Variants in UNC13D observed in about 807,000 individuals in gnomAD.
UNC13D encodes the protein unc-13 homolog D.
UNC13D carries 115 observed loss-of-function variants against 151.7 expected under a neutral mutation model. The observed-to-expected ratio is 0.76, with a 90% CI of 0.65 to 0.88. UNC13D has a LOEUF of 0.88. Ranked by LOEUF, UNC13D falls within the 40% of genes least tolerant of loss-of-function variation. The pLI is 0.00. For missense variants in UNC13D, 1,369 were observed against 1,438.7 expected, an observed-to-expected ratio of 0.95 and a Z score of 0.78; for synonymous variants, 588 against 612.2, an observed-to-expected ratio of 0.96 and a Z score of 0.58.
intron 1 of UNC13D, chr17:75,843,951 G>A (rs1478734527): frequency 7.2e-7 from 1 of 1,395,400 alleles, no homozygotes; most frequent in Non-Finnish European, 9.3e-7. Context: ...TTCTGAAGCT[G>A]GAGGAGTAGG....
chr17:75,842,339 G>A (rs779253246), intron 6 of UNC13D, 94 bp downstream of exon 6: 4 of 1,513,238 alleles, frequency 2.6e-6, no homozygotes, highest in Non-Finnish European at 3.6e-6. Context: ...CCCCTCCCCT[G>A]AGCCAGGACG....
Position 75,827,916 on chromosome 17 carries a change from C to G in UNC13D, c.*49G>C, listed in dbSNP as rs2062134723. 2 of 1,595,222 alleles carry G rather than the reference C, an allele frequency of 1.3e-6. No individual in the cohort carries two copies. Among genetic ancestry groups the G allele is most frequent in the East Asian group, 4.6e-5 (2 of 43,858 alleles). ...GGAAGCCCCAGACCCTACAGGAAAG[C>G]CCTTGCAAGTCCCCACCGGGGACCC... On this transcript the variant is annotated 3_prime_UTR_variant, in exon 32 of 32. Coordinates refer to ENST00000207549, the MANE Select transcript of UNC13D (RefSeq NM_199242.3).
In UNC13D at chr17:75,844,221, C is replaced by A; in HGVS notation, c.117G>T (p.Glu39Asp). Residue 39 changes from glutamate (E) to aspartate (D), a missense_variant and splice_region_variant, in exon 1 of 32, where the codon GAG becomes GAT. Glu to Asp is a conservative substitution (Grantham distance 45, BLOSUM62 2). Coordinates refer to ENST00000207549, the MANE Select transcript of UNC13D (RefSeq NM_199242.3). ...LQDPPPQMAP[E>D]IQPPSHHFSP... The stretch of plus-strand genomic sequence containing the variant: ...CTCTCCCCAGTGAGGTCACTCCTAC[C>A]TCCGGGGCCATTTGGGGCGGGGGAT... The A allele has an allele frequency of 6.2e-7, 1 of 1,611,554 alleles. No homozygotes were observed.
chr17:75,831,471 C>T, intron 25 of UNC13D, 123 bp from the exon 26 acceptor site: 2 of 843,470 alleles, frequency 2.4e-6, no homozygotes, highest in Non-Finnish European at 3.7e-6. Flanking sequence ...CCTCCCACCC[C>T]CAACCTCCCC....
intron 30 of UNC13D, among the ~76,000 whole-genome samples, chr17:75,829,419 C>T (rs1031991576): frequency 1.3e-5 from 2 of 152,028 alleles, no homozygotes. Context: ...CCTCAGCCTC[C>T]CGAGTAGCTG....
Position 75,828,095 on chromosome 17 carries a change from A to G in UNC13D, c.3152-9T>C, listed in dbSNP as rs1051202450. 7.0e-6 allele frequency: 11 copies of G among 1,571,244 alleles called. No individual in the cohort carries two copies. The highest frequency in any genetic ancestry group is 1.4e-5 in the African/African-American group (1 of 74,022). Reference sequence around the variant, plus strand: ...CTGCAGGATTGGGTCCCCTGCGGAGAGAGGGGTTTGGGGGTCAGATGCCAG... The same window carrying G: ...CTGCAGGATTGGGTCCCCTGCGGAGGGAGGGGTTTGGGGGTCAGATGCCAG... On this transcript the variant is annotated splice_polypyrimidine_tract_variant and intron_variant, in intron 31 of 31. Coordinates refer to ENST00000207549, the MANE Select transcript of UNC13D (RefSeq NM_199242.3).
At chr17:75,841,135 C>CTTTTTT (rs34691954) in intron 6 of UNC13D, 134 bp from the exon 7 acceptor site, 58 of 307,436 alleles carry the variant, frequency 1.9e-4, no homozygotes, top group Non-Finnish European at 2.5e-4. Flanking sequence ...AGCCGCATCC[C>CTTTTTT]TTTTTTTTTT....
intron 1 of UNC13D, 105 bp from the exon 2 acceptor site, chr17:75,843,624 C>T: frequency 1.3e-6 from 2 of 1,539,376 alleles, no homozygotes; most frequent in Non-Finnish European, 1.7e-6. Flanking sequence ...GTATGGGGGC[C>T]CCAGCACCCC....
At chr17:75,843,324 C>T (rs2064962931) in intron 2 of UNC13D, 58 bp from the exon 3 acceptor site, 1 of 1,595,782 alleles carries the variant, frequency 6.3e-7, no homozygotes, top group Admixed American at 1.7e-5. Flanking sequence ...ACCAACACCT[C>T]TCGCCATGGG....
At chr17:75,843,878 G>T in intron 1 of UNC13D, 1 of 1,372,922 alleles carries the variant, frequency 7.3e-7, no homozygotes, top group East Asian at 2.9e-5. Flanking sequence ...CGGCCTGGGG[G>T]TCTGCTGCTC....
rs368003349 is a variant in UNC13D at position 75,843,093 on chromosome 17, G to C, written c.262-20C>G. The C allele has an allele frequency of 1.2e-6, 2 of 1,603,962 alleles. No individual in the cohort carries two copies. The highest frequency in any genetic ancestry group is 2.7e-5 in the African/African-American group (2 of 74,630). On this transcript the variant is annotated intron_variant, in intron 3 of 31. Transcript: ENST00000207549. ...GAAGGCCTGGTGGGGAGGCAGGCGG[G>C]TGGGTGGCTGGGGGCACCAGACAGG...
Position 75,827,413 on chromosome 17 carries a change from CT to C in UNC13D, c.*551del. ...TCCCTCAGAGCCAGAAGGTTCTTGG[CT>C]CCAGGCTTCCTGGCCTGGATGCTGG... On this transcript the variant is annotated 3_prime_UTR_variant, in exon 32 of 32. Coordinates refer to ENST00000207549, the MANE Select transcript of UNC13D (RefSeq NM_199242.3). The C allele has an allele frequency of 1.4e-6, 2 of 1,412,626 alleles. No individual in the cohort carries two copies. The highest frequency in any genetic ancestry group is 1.8e-6 in the Non-Finnish European group (2 of 1,083,884). The allele number at this position is 1,412,626 out of a possible 1,614,324, so 87.5% of individuals were successfully genotyped here.
Position 75,827,540 on chromosome 17 carries a change from T to C in UNC13D, c.*425A>G, listed in dbSNP as rs1170134942. On this transcript the variant is annotated 3_prime_UTR_variant, in exon 32 of 32. Coordinates refer to ENST00000207549, the MANE Select transcript of UNC13D (RefSeq NM_199242.3). Reference sequence around the variant, plus strand: ...CTTTGGCAGGGTCCCCTCTCCCTTTTCCAGGAGACTCTGTGCCTGTAGCCC... The same window carrying C: ...CTTTGGCAGGGTCCCCTCTCCCTTTCCCAGGAGACTCTGTGCCTGTAGCCC... 3.3e-6 allele frequency: 5 copies of C among 1,533,838 alleles called. No individual in the cohort carries two copies. The Admixed American group carries it at 5.9e-5, about 18-fold the overall frequency.
chr17:75,828,674 G>T, intron 31 of UNC13D, 113 bp downstream of exon 31: 1 of 1,223,570 alleles, frequency 8.2e-7, no homozygotes, highest in South Asian at 1.9e-5. Context: ...TGTCCCACTG[G>T]CTCCCGTCTC....
At position 75,840,978 on chromosome 17, in the gene UNC13D, G is replaced by T; in HGVS notation, c.593C>A (p.Ala198Glu). 1 of 1,613,966 alleles carries T rather than the reference G, an allele frequency of 6.2e-7. No homozygotes were observed. The highest frequency in any genetic ancestry group is 2.2e-5 in the East Asian group (1 of 44,862). The change falls in exon 7 of 32, where the codon GCG becomes GAG. Residue 198 changes from alanine to glutamate, a missense_variant. Transcript: ENST00000207549. The surrounding 1 kb of genome is among the most constrained non-coding windows in gnomAD (Gnocchi z 4.6). ...TCACCACATGTCCAGATGAAAGCTC[G>T]CATTGGTGATGTCCTCAAACTCCCT... ...FILEFEDITNASFHLDMWDLD... is the reference protein window; with the variant it reads ...FILEFEDITNESFHLDMWDLD...
At chr17:75,834,812 T>C in intron 21 of UNC13D, 96 bp from the exon 22 acceptor site, 3 of 1,608,854 alleles carry the variant, frequency 1.9e-6, no homozygotes, top group Non-Finnish European at 1.7e-6. Flanking sequence ...TTGGGGGATT[T>C]AGAATACAGG....
chr17:75,827,948 A>G lies in UNC13D; in HGVS notation c.*17T>C. 6.2e-7 allele frequency: 1 copy of G among 1,608,376 alleles called. No individual in the cohort carries two copies. Among genetic ancestry groups the G allele is most frequent in the South Asian group, 1.1e-5 (1 of 90,492 alleles). ...AAGTCCCCACCGGGGACCCAGCCCC[A>G]CCGCAAACCTCTACGGCTACGGTGC... On this transcript the variant is annotated 3_prime_UTR_variant, in exon 32 of 32. Coordinates refer to ENST00000207549, the MANE Select transcript of UNC13D (RefSeq NM_199242.3).
chr17:75,835,724 TG>T lies in UNC13D; in HGVS notation c.1649del (p.Pro550GlnfsTer22). 1 of 1,613,764 alleles carries T rather than the reference TG, an allele frequency of 6.2e-7. No homozygotes were observed. Among genetic ancestry groups the T allele is most frequent in the Non-Finnish European group, 8.5e-7 (1 of 1,180,028 alleles). On this transcript the variant is annotated frameshift_variant, in exon 19 of 32. Coordinates refer to ENST00000207549, the MANE Select transcript of UNC13D (RefSeq NM_199242.3). LOFTEE classifies it high-confidence loss of function. ...HTTVVGDVVS[P>X]EMGESLFQLY... ...GCTGGAACAGACTCTCGCCCATCTC[TG>T]GGGACACTACATCACCCACAACCGT...
intron 1 of UNC13D, chr17:75,843,748 G>T (rs980992428): frequency 1.4e-6 from 2 of 1,422,234 alleles, no homozygotes; most frequent in Non-Finnish European, 1.8e-6. Context: ...CGAGCCCTCC[G>T]CACCCGCACC....
Sources: allele counts gnomAD v4.1 joint callset (sites outside exome capture counted in the v4.1 genomes callset), GRCh38; gene constraint gnomAD v4.1.1; non-coding constraint Gnocchi (gnomAD v3.1); transcripts MANE v1.5; gene names NCBI Gene and HGNC (gene_info 2026-07-23, HGNC 2026-07-21).